OSBPL2: variants seen among roughly 807,000 people sequenced by gnomAD.
OSBPL2 encodes oxysterol binding protein like 2, also known as oxysterol-binding protein-related protein 2.
A neutral mutation model predicts 58.4 loss-of-function variants in OSBPL2; 18 were observed. The ratio of observed to expected loss-of-function variants is 0.31; its 90% CI spans 0.21 to 0.46. OSBPL2 has a LOEUF of 0.46. Ranked by LOEUF, OSBPL2 falls within the 20% of genes least tolerant of loss-of-function variation. The pLI is 1.00. For missense variants in OSBPL2, 461 were observed against 616.5 expected (o/e 0.75, Z 2.67); for synonymous variants, 221 against 234.1 (o/e 0.94, Z 0.51).
chr20:62,266,367 ACTT>A (rs1981656393), intron 4 of OSBPL2, among the ~76,000 whole-genome samples: 1 of 152,154 alleles, frequency 6.6e-6, no homozygotes, highest in African/African-American at 2.4e-5. Flanking sequence ...TCTTTTTACT[ACTT>A]CTCAGCTTGT....
At chr20:62,276,725 G>C (rs1347851502) in intron 6 of OSBPL2, among the ~76,000 whole-genome samples, 4 of 152,200 alleles carry the variant, frequency 2.6e-5, no homozygotes, top group African/African-American at 7.2e-5. Context: ...TCTGCTTCTG[G>C]GAAAGGGGAG....
chr20:62,274,386 G>A (rs1287811067), intron 6 of OSBPL2, among the ~76,000 whole-genome samples: 2 of 152,170 alleles, frequency 1.3e-5, no homozygotes, highest in East Asian at 1.9e-4. Flanking sequence ...CTTCCTTCAG[G>A]GCCGTTTGGT....
chr20:62,253,661 G>A (rs1980719256), intron 1 of OSBPL2, among the ~76,000 whole-genome samples: 1 of 151,042 alleles, frequency 6.6e-6, no homozygotes, highest in Non-Finnish European at 1.5e-5. Flanking sequence ...ATGGCAGAAG[G>A]TGGAAGGGCA....
intron 13 of OSBPL2, among the ~76,000 whole-genome samples, chr20:62,292,917 G>C (rs986066914): frequency 6.6e-6 from 1 of 151,100 alleles, no homozygotes; most frequent in Non-Finnish European, 1.5e-5. Context: ...GCCCAGGCTG[G>C]AGTGCAGTGG....
At chr20:62,265,518 A>G (rs149277133) in intron 4 of OSBPL2, among the ~76,000 whole-genome samples, 2,355 of 152,280 alleles carry the variant, frequency 0.015, 30 homozygotes, top group Non-Finnish European at 0.023. Context: ...TTCACTGGGT[A>G]ATGGTGTTTA....
Position 62,272,225 on chromosome 20 carries a change from C to T in OSBPL2, c.359C>T (p.Ala120Val), listed in dbSNP as rs1982110459. The change falls in exon 5 of 14, where the codon GCC becomes GTC. Residue 120 changes from alanine to valine, a missense_variant. Around this residue, in one of 5 missense-constraint regions of OSBPL2, gnomAD observed 20 missense variants for 17.1 expected, o/e 1.17. Transcript: ENST00000313733. ...YMEHVYLIHR[A>V]SCQPQPLERM... is the part of the protein sequence containing the mutation. Reference sequence around the variant, plus strand: ...GAGCACGTGTACCTCATCCACAGGGCCTCCTGCCAGCCCCAGCCCCTGGAG... The same window carrying T: ...GAGCACGTGTACCTCATCCACAGGGTCTCCTGCCAGCCCCAGCCCCTGGAG... 1.9e-6 allele frequency: 3 copies of T among 1,613,646 alleles called. No individual in the cohort carries two copies. The highest frequency in any genetic ancestry group is 1.1e-5 in the South Asian group (1 of 91,056).
At chr20:62,249,227 A>C (rs530784561) in intron 1 of OSBPL2, among the ~76,000 whole-genome samples, 1 of 152,288 alleles carries the variant, frequency 6.6e-6, no homozygotes, top group African/African-American at 2.4e-5. Context: ...AACCCCCCAA[A>C]AAAAAAATCT....
At chr20:62,249,896 C>T (rs1438740073) in intron 1 of OSBPL2, among the ~76,000 whole-genome samples, 1 of 152,210 alleles carries the variant, frequency 6.6e-6, no homozygotes, top group Non-Finnish European at 1.5e-5. Context: ...CTGAGAAGTC[C>T]AGGGGTGGGC....
chr20:62,289,221 C>T lies in OSBPL2; in HGVS notation c.1140C>T (p.Thr380=). ...TTGCTCCACAGATGTATAATTTCAC[C>T]AGTTTCACTGTGAGCCTCAACGAGC... ...PPNSAQMYNF[T]SFTVSLNELE... Residue 380 remains threonine (T), a synonymous_variant, in exon 12 of 14, where the codon ACC becomes ACT. Transcript: ENST00000313733. 1.2e-6 allele frequency: 2 copies of T among 1,613,772 alleles called. No individual in the cohort carries two copies. Among genetic ancestry groups the T allele is most frequent in the Non-Finnish European group, 1.7e-6 (2 of 1,179,830 alleles).
In OSBPL2 at chr20:62,245,100, CT is replaced by C. The variant is rs398040809; in HGVS notation, c.-129+6518del. On this transcript the variant is annotated intron_variant, in intron 1 of 13. Transcript: ENST00000313733. Reference sequence around the variant, plus strand: ...TTAGGATAAAGGGCTGAAATCTGTTCTTTTTTTTTTTTTTTGAGACGGTGTC... The same window carrying C: ...TTAGGATAAAGGGCTGAAATCTGTTCTTTTTTTTTTTTTTGAGACGGTGTC... 1.5e-3 allele frequency among the ~76,000 whole-genome samples: 215 copies of C among 143,516 alleles called. 1 individual carries two copies. The highest frequency in any genetic ancestry group is 1.4e-3 in the Admixed American group (20 of 14,366). 94.2% of individuals were successfully genotyped at this position (143,516 alleles called of 152,430 possible).
rs758157510 is a variant in OSBPL2, at chr20:62,273,286, TC to T, written c.394-16del. The T allele has an allele frequency of 2.3e-5, 37 of 1,590,044 alleles. No individual in the cohort carries two copies. The Middle Eastern group carries it at 8.3e-4, about 36-fold the overall frequency. On this transcript the variant is annotated intron_variant, in intron 5 of 13. Coordinates refer to ENST00000313733, the MANE Select transcript of OSBPL2 (RefSeq NM_144498.4). Reference sequence around the variant, plus strand: ...CGTTTCCTAACTGAAGCTGTGCCTGTCCCCCCCGTGGATTATTTACAGTCTG... The same window carrying T: ...CGTTTCCTAACTGAAGCTGTGCCTGTCCCCCCGTGGATTATTTACAGTCTG...
intron 1 of OSBPL2, among the ~76,000 whole-genome samples, chr20:62,255,401 C>T (rs985582049): frequency 6.6e-6 from 1 of 152,130 alleles, no homozygotes; most frequent in South Asian, 2.1e-4. Flanking sequence ...GGGTGAGCCA[C>T]CACACCCTGC....
Position 62,288,031 on chromosome 20 carries a change from G to T in OSBPL2, c.1126-1176G>T, listed in dbSNP as rs1342211758. Among the ~76,000 whole-genome samples the T allele has an allele frequency of 6.6e-6, 1 of 152,118 alleles. No individual in the cohort carries two copies. Among genetic ancestry groups the T allele is most frequent in the African/African-American group, 2.4e-5 (1 of 41,404 alleles). On this transcript the variant is annotated intron_variant, in intron 11 of 13. Coordinates refer to ENST00000313733, the MANE Select transcript of OSBPL2 (RefSeq NM_144498.4). The surrounding 1 kb of genome is among the most constrained non-coding windows in gnomAD (Gnocchi z 4.8). Reference sequence around the variant, plus strand: ...TGAGTGCTGTGGCTTCAGTCATGGGGTAGGGGTGGGGGTGTCTAGGGATTG... The same window carrying T: ...TGAGTGCTGTGGCTTCAGTCATGGGTTAGGGGTGGGGGTGTCTAGGGATTG...
intron 6 of OSBPL2, among the ~76,000 whole-genome samples, chr20:62,275,613 A>G (rs1171468803): frequency 2.0e-5 from 3 of 151,952 alleles, no homozygotes; most frequent in Non-Finnish European, 4.4e-5. Flanking sequence ...ATGCCCAGCT[A>G]ATTTTTGTAT....
Position 62,291,799 on chromosome 20 carries a change from T to A in OSBPL2, c.1340+6T>A. On this transcript the variant is annotated splice_donor_region_variant and intron_variant, in intron 13 of 13. Coordinates refer to ENST00000313733, the MANE Select transcript of OSBPL2 (RefSeq NM_144498.4). ...GAGGCAGAGTGGCAGACGAGGTGAG[T>A]ACTGTGGTAGCCACGCAGGCTGGGG... The A allele has an allele frequency of 2.1e-6, 3 of 1,462,248 alleles. No individual in the cohort carries two copies. The highest frequency in any genetic ancestry group is 2.7e-6 in the Non-Finnish European group (3 of 1,098,614). The allele number at this position is 1,462,248 out of a possible 1,614,324, so 90.6% of individuals were successfully genotyped here. A position where few individuals can be genotyped will look rare whatever the true frequency, so the allele number is the denominator to read the frequency against.
intron 3 of OSBPL2, among the ~76,000 whole-genome samples, chr20:62,261,612 G>C (rs888338434): frequency 1.3e-5 from 2 of 152,046 alleles, no homozygotes; most frequent in Non-Finnish European, 2.9e-5. Flanking sequence ...CCGTTTTCTA[G>C]CCCTGACTCT....
At chr20:62,279,423 A>G (rs368917477) in intron 7 of OSBPL2, 84 bp downstream of exon 7, 6 of 1,390,110 alleles carry the variant, frequency 4.3e-6, no homozygotes, top group African/African-American at 2.9e-5. Flanking sequence ...AGCTTCCTTC[A>G]GGAGGAAACC....
rs1981467879 is a variant in OSBPL2, at chr20:62,263,699, CG to C, written c.258+13del. On this transcript the variant is annotated intron_variant, in intron 4 of 13. Transcript: ENST00000313733. ...AAGAAGTGTGTTGGCCTGGTGAGTC[CG>C]GGGGCCCGTGTTCACACATGGGGCT... 1.9e-6 allele frequency: 3 copies of C among 1,612,550 alleles called. No homozygotes were observed. The highest frequency in any genetic ancestry group is 2.5e-6 in the Non-Finnish European group (3 of 1,178,668).
At chr20:62,240,480 T>C (rs917130409) in intron 1 of OSBPL2, among the ~76,000 whole-genome samples, 3 of 152,218 alleles carry the variant, frequency 2.0e-5, no homozygotes, top group African/African-American at 7.2e-5. Context: ...AACAGTCCAC[T>C]GGGCAGGTAC....
Sources: gnomAD v4.1 joint callset for allele counts (sites outside exome capture counted in the v4.1 genomes callset) on GRCh38, gnomAD v4.1.1 for gene constraint, gnomAD v4.1.1 regional missense constraint, Gnocchi (gnomAD v3.1) non-coding constraint, MANE v1.5 for transcripts, NCBI Gene and HGNC (gene_info 2026-07-23, HGNC 2026-07-21) for gene names.